Variants in TOPAZ1 observed in about 807,000 individuals in gnomAD.
TOPAZ1 encodes protein TOPAZ1.
Under a neutral mutation model 172.2 loss-of-function variants are expected in TOPAZ1, and 66 were observed. The observed-to-expected ratio is 0.38, with a 90% CI of 0.31 to 0.47. The LOEUF (loss-of-function observed/expected upper bound fraction) is 0.47. Among genes scored for constraint, TOPAZ1 ranks in the 20% least tolerant of loss-of-function variants. The probability of loss-of-function intolerance (pLI) is 0.99; values close to 1 mark genes in which losing one functional copy is unlikely to be tolerated. For synonymous variants in TOPAZ1, 681 were observed against 683.9 expected, an observed-to-expected ratio of 1.00 and a Z score of 0.07; for missense variants, 1,822 against 1,972.4, an observed-to-expected ratio of 0.92 and a Z score of 1.44.
chr3:44,258,433 G>A (rs1337656311), intron 4 of TOPAZ1, among the ~76,000 whole-genome samples: 1 of 152,086 alleles, frequency 6.6e-6, no homozygotes, highest in Non-Finnish European at 1.5e-5. Flanking sequence ...CTTTGATAGT[G>A]CACACCTACT....
In TOPAZ1 at chr3:44,327,987, A is replaced by AC. The variant is rs767616560; in HGVS notation, c.4676-260dup. Among the ~76,000 whole-genome samples the AC allele has an allele frequency of 1.8e-4, 27 of 151,810 alleles. 2 individuals carry two copies. The South Asian group carries it at 5.6e-3, about 32-fold the overall frequency. ...TCAAACTACTGACCTCAAGAGATCC[A>AC]CCCGCCTCAGCCTCCCAAAGTGCTG... On this transcript the variant is annotated intron_variant, in intron 18 of 19. Coordinates refer to ENST00000309765, the MANE Select transcript of TOPAZ1 (RefSeq NM_001145030.2).
At chr3:44,325,250 T>C (rs1700586174) in intron 18 of TOPAZ1, among the ~76,000 whole-genome samples, 1 of 152,236 alleles carries the variant, frequency 6.6e-6, no homozygotes, top group Non-Finnish European at 1.5e-5. Context: ...TATTTGGGAC[T>C]TAACGCTGAC....
chr3:44,303,479 C>CTTTTTTTTTTTTTT (rs34565826), intron 12 of TOPAZ1, among the ~76,000 whole-genome samples: 3 of 109,946 alleles, frequency 2.7e-5, no homozygotes, highest in African/African-American at 7.1e-5. Context: ...TGCTTGCTTG[C>CTTTTTTTTTTTTTT]TTTTTTTTTT....
At chr3:44,331,709 C>A in intron 19 of TOPAZ1, 83 bp from the exon 20 acceptor site, 1 of 1,053,716 alleles carries the variant, frequency 9.5e-7, no homozygotes, top group Non-Finnish European at 1.4e-6. Context: ...AGCTTAGTAC[C>A]AGTAAATGTA....
chr3:44,243,312 C>T lies in TOPAZ1; in HGVS notation c.806C>T (p.Ala269Val), dbSNP rs1281239699. The T allele has an allele frequency of 1.3e-6, 2 of 1,551,434 alleles. No homozygotes were observed. The highest frequency in any genetic ancestry group is 1.4e-5 in the African/African-American group (1 of 73,146). The change falls in exon 2 of 20, where the codon GCA becomes GTA. Residue 269 changes from alanine (A) to valine (V), a missense_variant. Coordinates refer to ENST00000309765, the MANE Select transcript of TOPAZ1 (RefSeq NM_001145030.2). ...FSKKENLRSL[A>V]EKSDTNSIPQ... Reference sequence around the variant, plus strand: ...AAGAAAGAAAACCTTAGGAGTCTTGCAGAGAAGAGTGACACAAATAGTATT... The same window carrying T: ...AAGAAAGAAAACCTTAGGAGTCTTGTAGAGAAGAGTGACACAAATAGTATT...
chr3:44,255,110 C>G (rs576987547), intron 3 of TOPAZ1, 81 bp downstream of exon 3: 2 of 1,010,204 alleles, frequency 2.0e-6, no homozygotes, highest in South Asian at 3.0e-5. Flanking sequence ...GATGAATTCA[C>G]TAGAACAAGA....
intron 8 of TOPAZ1, among the ~76,000 whole-genome samples, chr3:44,273,788 A>G (rs1284085703): frequency 6.6e-6 from 1 of 152,212 alleles, no homozygotes; most frequent in African/African-American, 2.4e-5. Context: ...AAGCAAACAA[A>G]TCAATGTTAT....
At chr3:44,254,917 G>T in intron 2 of TOPAZ1, 51 bp from the exon 3 acceptor site, 1 of 1,364,156 alleles carries the variant, frequency 7.3e-7, no homozygotes, top group Non-Finnish European at 1.0e-6. Flanking sequence ...GAAGTGGATA[G>T]TTCTGCTTAG....
intron 9 of TOPAZ1, among the ~76,000 whole-genome samples, chr3:44,286,087 TGCTTGTAATCCCA>T (rs1218709162): frequency 6.6e-6 from 1 of 151,740 alleles, no homozygotes; most frequent in Non-Finnish European, 1.5e-5. Flanking sequence ...TGGTGGTGCA[TGCTTGTAATCCCA>T]GCTACTCTGG....
chr3:44,269,231 G>A lies in TOPAZ1; in HGVS notation c.3176G>A (p.Gly1059Glu). ...NTWMNDFRFL[G>E]KHSVLKLQNP... is the part of the protein sequence containing the mutation. ...TCATTTCTAGATTTCAGATTTCTGGGAAAACATTCTGTCCTAAAGCTGCAG... is the reference window on the plus strand; with the variant it reads ...TCATTTCTAGATTTCAGATTTCTGGAAAAACATTCTGTCCTAAAGCTGCAG... Residue 1059 changes from glycine to glutamate, a missense_variant, in exon 7 of 20, where the codon GGA becomes GAA. Gly to Glu is a moderately conservative substitution (Grantham distance 98). This residue lies in a region of TOPAZ1 where 1,489 missense variants were observed against 1,490.8 expected (regional missense o/e 1.00). Coordinates refer to ENST00000309765, the MANE Select transcript of TOPAZ1 (RefSeq NM_001145030.2). The A allele has an allele frequency of 6.5e-7, 1 of 1,547,326 alleles. No homozygotes were observed.
chr3:44,300,171 A>C (rs1700254467), intron 12 of TOPAZ1, among the ~76,000 whole-genome samples: 1 of 151,682 alleles, frequency 6.6e-6, no homozygotes, highest in Non-Finnish European at 1.5e-5. Context: ...CATGGCTTAC[A>C]TCTGTAATCC....
intron 8 of TOPAZ1, among the ~76,000 whole-genome samples, chr3:44,280,783 A>G (rs1408711043): frequency 6.6e-6 from 1 of 152,154 alleles, no homozygotes; most frequent in Non-Finnish European, 1.5e-5. Context: ...ATTGGCTCCC[A>G]CCTTAGCCCT....
chr3:44,255,135 G>T, intron 3 of TOPAZ1, 106 bp downstream of exon 3: 2 of 754,562 alleles, frequency 2.7e-6, no homozygotes, highest in South Asian at 2.0e-5. Context: ...TTTCATTTTA[G>T]GGTCTGTTGA....
intron 16 of TOPAZ1, among the ~76,000 whole-genome samples, chr3:44,319,725 T>A (rs1266593169): frequency 1.3e-5 from 2 of 152,342 alleles, no homozygotes; most frequent in East Asian, 3.9e-4. Context: ...TCCTAACACA[T>A]AGTATAACTC....
At chr3:44,295,632 A>G (rs914733718) in intron 12 of TOPAZ1, among the ~76,000 whole-genome samples, 2 of 152,198 alleles carry the variant, frequency 1.3e-5, no homozygotes, top group East Asian at 1.9e-4. Flanking sequence ...GGAAAACTAC[A>G]GGTACAAAGA....
chr3:44,291,871 C>T (rs1203507527), intron 12 of TOPAZ1, among the ~76,000 whole-genome samples: 1 of 152,150 alleles, frequency 6.6e-6, no homozygotes, highest in African/African-American at 2.4e-5. Context: ...ATTTTTATCT[C>T]ATTTCTCATT....
chr3:44,295,455 A>G (rs1401023460), intron 12 of TOPAZ1, among the ~76,000 whole-genome samples: 4 of 152,200 alleles, frequency 2.6e-5, no homozygotes, highest in Admixed American at 1.3e-4. Context: ...TAATTAAAGG[A>G]TTGCAGTTGG....
chr3:44,317,082 A>G (rs1047964496), intron 16 of TOPAZ1, among the ~76,000 whole-genome samples: 4 of 152,220 alleles, frequency 2.6e-5, no homozygotes, highest in Non-Finnish European at 4.4e-5. Context: ...TTACTAAATC[A>G]GGTTTTAATA....
rs527590412 is a variant in TOPAZ1, at chr3:44,273,069, A to G, written c.3372+2259A>G. The stretch of plus-strand genomic sequence containing the variant: ...CAGATTGTGCCCAGATAAGGCAAAC[A>G]CCTAGCTATAGCCATTCAAGTAATT... On this transcript the variant is annotated intron_variant, in intron 8 of 19. Coordinates refer to ENST00000309765, the MANE Select transcript of TOPAZ1 (RefSeq NM_001145030.2). Among the ~76,000 whole-genome samples the G allele has an allele frequency of 2.6e-5, 4 of 152,300 alleles. No individual in the cohort carries two copies. The East Asian group carries it at 5.8e-4, about 22-fold the overall frequency.
Sources: gnomAD v4.1 joint callset for allele counts (sites outside exome capture counted in the v4.1 genomes callset) on GRCh38, gnomAD v4.1.1 for gene constraint, gnomAD v4.1.1 regional missense constraint, MANE v1.5 for transcripts, NCBI Gene and HGNC (gene_info 2026-07-23, HGNC 2026-07-21) for gene names.